The following RABGAP1L variants were observed in gnomAD, a reference collection of about 807,000 sequenced individuals.
RABGAP1L encodes the protein RAB GTPase activating protein 1 like.
A neutral mutation model predicts 137.7 loss-of-function variants in RABGAP1L; 63 were observed. The ratio of observed to expected loss-of-function variants is 0.46; its 90% CI spans 0.37 to 0.56. RABGAP1L has a LOEUF of 0.56. Among genes scored for constraint, RABGAP1L ranks in the 20% least tolerant of loss-of-function variants. The probability of loss-of-function intolerance (pLI) is 0.00; values close to 1 mark genes in which losing one functional copy is unlikely to be tolerated. For missense variants in RABGAP1L, 1,095 were observed against 1,244.0 expected, an observed-to-expected ratio of 0.88 and a Z score of 1.80; for synonymous variants, 431 against 433.7, an observed-to-expected ratio of 0.99 and a Z score of 0.08.
intron 13 of RABGAP1L, among the ~76,000 whole-genome samples, chr1:174,397,404 A>T (rs2901815): frequency 0.35 from 53,515 of 151,788 alleles, 12,083 homozygotes; most frequent in African/African-American, 0.64. Context: ...ACTTGCCTTC[A>T]CTCTGGGGTT....
At position 174,702,133 on chromosome 1, in the gene RABGAP1L, T is replaced by G. The variant is rs147255156; in HGVS notation, c.2046T>G (p.His682Gln). 25 of 1,611,470 alleles carry G rather than the reference T, an allele frequency of 1.6e-5. No homozygotes were observed. Among genetic ancestry groups the G allele is most frequent in the Non-Finnish European group, 2.0e-5 (24 of 1,179,146 alleles). The change falls in exon 17 of 26, where the codon CAT becomes CAG. Residue 682 changes from histidine (H) to glutamine (Q), a missense_variant. Transcript: ENST00000681986. The stretch of plus-strand genomic sequence containing the variant: ...TTTAGGAACAGCTACCGGACCTGCA[T>G]AGCCATTTTTCTGATCTGAACCTGG... ...RLMQEQLPDL[H>Q]SHFSDLNLEA... is the part of the protein sequence containing the mutation.
chr1:174,168,498 A>G (rs1375694871), intron 1 of RABGAP1L, among the ~76,000 whole-genome samples: 1 of 151,558 alleles, frequency 6.6e-6, no homozygotes, highest in African/African-American at 2.4e-5. Context: ...GTATTCTTTC[A>G]TTTTAAATCT....
At chr1:174,459,793 T>A (rs964283764) in intron 13 of RABGAP1L, among the ~76,000 whole-genome samples, 1 of 152,090 alleles carries the variant, frequency 6.6e-6, no homozygotes, top group Non-Finnish European at 1.5e-5. Flanking sequence ...CAGTACTGTT[T>A]AAAGTCACTG....
chr1:174,325,470 C>T (rs1418771729), intron 11 of RABGAP1L, among the ~76,000 whole-genome samples: 1 of 152,200 alleles, frequency 6.6e-6, no homozygotes, highest in Admixed American at 6.5e-5. Context: ...GAACATGCAA[C>T]CAAGGCTGTA....
chr1:174,562,666 A>T (rs1232836940), intron 13 of RABGAP1L, among the ~76,000 whole-genome samples: 2 of 152,212 alleles, frequency 1.3e-5, no homozygotes, highest in Non-Finnish European at 2.9e-5. Context: ...ACGGAATACT[A>T]TTTAGCCATA....
intron 13 of RABGAP1L, among the ~76,000 whole-genome samples, chr1:174,394,713 A>G (rs1034854124): frequency 6.6e-6 from 1 of 152,094 alleles, no homozygotes; most frequent in African/African-American, 2.4e-5. Flanking sequence ...CCACCTAATT[A>G]CTTAATCTAC....
chr1:174,538,686 G>A (rs1665097085), intron 13 of RABGAP1L, among the ~76,000 whole-genome samples: 1 of 152,000 alleles, frequency 6.6e-6, no homozygotes, highest in African/African-American at 2.4e-5. Flanking sequence ...GAACTACTTT[G>A]AATTCCCTGG....
chr1:174,644,517 T>G (rs1674794660), intron 14 of RABGAP1L, among the ~76,000 whole-genome samples: 2 of 151,678 alleles, frequency 1.3e-5, no homozygotes, highest in African/African-American at 4.8e-5. Flanking sequence ...AAAAGGAAAG[T>G]AAGATTACTA....
At chr1:174,169,776 A>G (rs1236883983) in intron 1 of RABGAP1L, among the ~76,000 whole-genome samples, 1 of 152,096 alleles carries the variant, frequency 6.6e-6, no homozygotes, top group African/African-American at 2.4e-5. Flanking sequence ...TGCAGCCTCA[A>G]ACTTCTGGTC....
At chr1:174,225,837 T>G (rs1377536136) in intron 3 of RABGAP1L, among the ~76,000 whole-genome samples, 2 of 152,164 alleles carry the variant, frequency 1.3e-5, no homozygotes, top group African/African-American at 4.8e-5. Context: ...GACAAAGTGG[T>G]GAGAGAAAAG....
intron 6 of RABGAP1L, among the ~76,000 whole-genome samples, chr1:174,251,992 G>A (rs1672752149): frequency 6.6e-6 from 1 of 151,742 alleles, no homozygotes; most frequent in Non-Finnish European, 1.5e-5. Context: ...TGCCTCCTGG[G>A]TTCAACCAAT....
intron 1 of RABGAP1L, among the ~76,000 whole-genome samples, chr1:174,185,943 C>A (rs12093691): frequency 0.29 from 44,736 of 151,892 alleles, 7,007 homozygotes; most frequent in African/African-American, 0.37. Context: ...CGGGAGTTCG[C>A]GACCAGCCTG....
chr1:174,682,160 A>G (rs1046576489), intron 14 of RABGAP1L, among the ~76,000 whole-genome samples: 9 of 151,876 alleles, frequency 5.9e-5, no homozygotes, highest in Non-Finnish European at 8.8e-5. Flanking sequence ...GGGCCCTTGT[A>G]ATTGCAGCTA....
chr1:174,739,187 C>G (rs546269270), intron 17 of RABGAP1L, among the ~76,000 whole-genome samples: 1 of 152,256 alleles, frequency 6.6e-6, no homozygotes, highest in East Asian at 1.9e-4. Flanking sequence ...AACAAGCACT[C>G]TCATCCATTT....
intron 13 of RABGAP1L, among the ~76,000 whole-genome samples, chr1:174,543,647 C>G (rs545071406): frequency 3.9e-5 from 6 of 152,268 alleles, no homozygotes; most frequent in South Asian, 2.1e-4. Flanking sequence ...ATGATGTTAG[C>G]TGGTTATTTT....
At chr1:174,782,172 A>G (rs986969339) in intron 18 of RABGAP1L, among the ~76,000 whole-genome samples, 1 of 152,142 alleles carries the variant, frequency 6.6e-6, no homozygotes, top group Non-Finnish European at 1.5e-5. Context: ...GGCCATTTTC[A>G]TGATATTGAT....
rs144341621 is a variant in RABGAP1L, at chr1:174,437,575, G to T, written c.1710+43430G>T. Among the ~76,000 whole-genome samples the T allele has an allele frequency of 6.9e-4, 105 of 152,306 alleles. No homozygotes were observed. The East Asian group carries it at 0.019, about 27-fold the overall frequency. On this transcript the variant is annotated intron_variant, in intron 13 of 25. Coordinates refer to ENST00000681986, the MANE Select transcript of RABGAP1L (RefSeq NM_001366446.1). ...CAAGAAATATGGGACTATGTGAGAA[G>T]ACCAAACCTACGTGTAATTGGTGTA...
intron 3 of RABGAP1L, among the ~76,000 whole-genome samples, chr1:174,224,755 T>G (rs1670034000): frequency 1.3e-5 from 2 of 152,214 alleles, no homozygotes; most frequent in Non-Finnish European, 2.9e-5. Flanking sequence ...GTATATTTCC[T>G]TGAGCACTTT....
chr1:174,557,757 C>T (rs188820341), intron 13 of RABGAP1L, among the ~76,000 whole-genome samples: 17 of 152,324 alleles, frequency 1.1e-4, no homozygotes, highest in Admixed American at 9.8e-4. Context: ...AATACAGACT[C>T]ATTCTTAGGA....
Sources: allele counts gnomAD v4.1 joint callset (sites outside exome capture counted in the v4.1 genomes callset), GRCh38; gene constraint gnomAD v4.1.1; transcripts MANE v1.5; gene names NCBI Gene and HGNC (gene_info 2026-07-23, HGNC 2026-07-21).